UBE2E3: variants seen among roughly 807,000 people sequenced by gnomAD.
The protein encoded by UBE2E3 is ubiquitin conjugating enzyme E2 E3, also known as ubiquitin-conjugating enzyme E2 E3.
UBE2E3 carries 5 observed loss-of-function variants against 23.6 expected under a neutral mutation model. The observed-to-expected ratio is 0.21, with a 90% CI of 0.11 to 0.44. UBE2E3 has a LOEUF of 0.44. Among genes scored for constraint, UBE2E3 ranks in the 20% least tolerant of loss-of-function variants. The pLI is 0.99. For missense variants in UBE2E3, 81 were observed against 249.8 expected, an observed-to-expected ratio of 0.32 and a Z score of 4.55; for synonymous variants, 78 against 87.5, an observed-to-expected ratio of 0.89 and a Z score of 0.60.
chr2:181,058,090 T>C (rs1211948847), intron 4 of UBE2E3, among the ~76,000 whole-genome samples: 1 of 151,734 alleles, frequency 6.6e-6, no homozygotes, highest in East Asian at 1.9e-4. Context: ...TTTATGCTTA[T>C]GAGGGAGAAG....
chr2:181,026,868 G>C (rs1685905147), intron 3 of UBE2E3, among the ~76,000 whole-genome samples: 1 of 141,466 alleles, frequency 7.1e-6, no homozygotes, highest in Non-Finnish European at 1.6e-5. Flanking sequence ...TTTGATTATT[G>C]ATCATATAAT....
At chr2:181,042,459 T>G (rs959904445) in intron 3 of UBE2E3, among the ~76,000 whole-genome samples, 3 of 152,202 alleles carry the variant, frequency 2.0e-5, no homozygotes, top group African/African-American at 7.2e-5. Flanking sequence ...AGGGAAGTCC[T>G]TCTATTTATT....
chr2:180,980,988 C>T lies in UBE2E3; in HGVS notation c.-26+15C>T, dbSNP rs1684267492. On this transcript the variant is annotated intron_variant, in intron 1 of 5. Coordinates refer to ENST00000410062, the MANE Select transcript of UBE2E3 (RefSeq NM_006357.4). The surrounding 1 kb of genome is among the most constrained non-coding windows in gnomAD (Gnocchi z 5.5). ...GGGCGGCCGAGGTAAGGCGGCGGGG[C>T]CGGGGGGCCGCGTGGGGGGCGGCCG... 3 of 146,618 alleles carry T rather than the reference C, an allele frequency of 2.0e-5. No individual in the cohort carries two copies. The South Asian group carries it at 5.4e-4, about 26-fold the overall frequency. 9.1% of individuals were successfully genotyped at this position (146,618 alleles called of 1,614,324 possible).
At chr2:181,027,096 T>C (rs570768614) in intron 3 of UBE2E3, among the ~76,000 whole-genome samples, 1 of 152,058 alleles carries the variant, frequency 6.6e-6, no homozygotes, top group East Asian at 1.9e-4. Context: ...TAATAATCTT[T>C]ATTAAAAACT....
intron 3 of UBE2E3, among the ~76,000 whole-genome samples, chr2:181,035,174 A>G (rs532278028): frequency 1.3e-5 from 2 of 152,304 alleles, no homozygotes; most frequent in South Asian, 2.1e-4. Flanking sequence ...TATGCATTCT[A>G]TATAAGGGAT....
intron 3 of UBE2E3, among the ~76,000 whole-genome samples, chr2:180,996,093 T>C (rs1684814255): frequency 1.3e-5 from 2 of 152,172 alleles, no homozygotes; most frequent in African/African-American, 4.8e-5. Flanking sequence ...TTATCATCTT[T>C]ATAGAATTTC....
intron 3 of UBE2E3, among the ~76,000 whole-genome samples, chr2:180,988,974 CAG>C (rs548400612): frequency 1.3e-5 from 2 of 151,980 alleles, no homozygotes; most frequent in South Asian, 4.1e-4. Flanking sequence ...GACTGTAAAA[CAG>C]ATAAATACAG....
Position 181,004,911 on chromosome 2 carries a change from C to T in UBE2E3, c.245+20818C>T, listed in dbSNP as rs187574929. Among the ~76,000 whole-genome samples the T allele has an allele frequency of 1.1e-4, 17 of 152,230 alleles. 1 individual carries two copies. The highest frequency in any genetic ancestry group is 9.2e-4 in the Admixed American group (14 of 15,298). On this transcript the variant is annotated intron_variant, in intron 3 of 5. Transcript: ENST00000410062. ...AAATCTTCAGACAGACAATGTCTTA[C>T]GAAGAAAATATTTTGGAAGGATTTT... is the stretch of plus-strand genomic sequence containing the variant.
intron 3 of UBE2E3, among the ~76,000 whole-genome samples, chr2:181,046,776 T>A (rs1686684804): frequency 6.6e-6 from 1 of 152,118 alleles, no homozygotes; most frequent in South Asian, 2.1e-4. Context: ...TAAGAAAGCA[T>A]ATCATAGAAA....
At chr2:180,999,173 A>G (rs1107786) in intron 3 of UBE2E3, among the ~76,000 whole-genome samples, 35,308 of 152,100 alleles carry the variant, frequency 0.23, 4,472 homozygotes, top group Non-Finnish European at 0.28. Flanking sequence ...TTTATTTATT[A>G]TGATAAGAGA....
intron 3 of UBE2E3, among the ~76,000 whole-genome samples, chr2:181,018,599 T>TG (rs962387405): frequency 2.8e-4 from 9 of 32,706 alleles, no homozygotes; most frequent in Admixed American, 1.1e-3. Context: ...AATTTCTGTG[T>TG]TTTTTTTTTT....
chr2:181,019,968 A>G (rs1254065960), intron 3 of UBE2E3, among the ~76,000 whole-genome samples: 2 of 152,262 alleles, frequency 1.3e-5, no homozygotes, highest in Admixed American at 6.5e-5. Flanking sequence ...CATAGCTAGA[A>G]TTGTGTACCT....
chr2:181,042,991 CAGA>C (rs1686560860), intron 3 of UBE2E3, among the ~76,000 whole-genome samples: 1 of 152,108 alleles, frequency 6.6e-6, no homozygotes, highest in African/African-American at 2.4e-5. Context: ...AAAGATTGTT[CAGA>C]AGAACTTTCA....
intron 3 of UBE2E3, among the ~76,000 whole-genome samples, chr2:181,047,246 G>A (rs1313252271): frequency 6.6e-6 from 1 of 151,996 alleles, no homozygotes; most frequent in Non-Finnish European, 1.5e-5. Flanking sequence ...ACCTGTTAGA[G>A]GTCTGACATG....
intron 3 of UBE2E3, among the ~76,000 whole-genome samples, chr2:181,000,119 T>A (rs188636072): frequency 9.6e-4 from 147 of 152,356 alleles, no homozygotes; most frequent in African/African-American, 3.5e-3. Context: ...AATTTCTAGA[T>A]GTATTAGATA....
intron 3 of UBE2E3, among the ~76,000 whole-genome samples, chr2:180,991,926 G>C (rs1402126148): frequency 6.6e-6 from 1 of 152,158 alleles, no homozygotes; most frequent in Non-Finnish European, 1.5e-5. Flanking sequence ...AATATTTTTG[G>C]ACTGTGGTTG....
intron 3 of UBE2E3, among the ~76,000 whole-genome samples, chr2:181,009,096 A>G (rs1197949338): frequency 2.0e-5 from 3 of 152,184 alleles, no homozygotes; most frequent in Admixed American, 1.3e-4. Context: ...AGAAGTAGTT[A>G]TTTCTTCTAG....
chr2:181,013,676 G>A (rs1158628837), intron 3 of UBE2E3, among the ~76,000 whole-genome samples: 1 of 152,202 alleles, frequency 6.6e-6, no homozygotes, highest in Non-Finnish European at 1.5e-5. Context: ...GAAGTGGGAA[G>A]AAGAGAGGGA....
At chr2:181,001,303 G>A (rs1684983192) in intron 3 of UBE2E3, among the ~76,000 whole-genome samples, 1 of 152,204 alleles carries the variant, frequency 6.6e-6, no homozygotes, top group African/African-American at 2.4e-5. Flanking sequence ...AGAGGTGGGA[G>A]AGAAATACAG....
Sources: gnomAD v4.1 joint callset for allele counts (sites outside exome capture counted in the v4.1 genomes callset) on GRCh38, gnomAD v4.1.1 for gene constraint, Gnocchi (gnomAD v3.1) non-coding constraint, MANE v1.5 for transcripts, NCBI Gene and HGNC (gene_info 2026-07-23, HGNC 2026-07-21) for gene names.